ENTHD1: variants seen among roughly 807,000 people sequenced by gnomAD.
The protein encoded by ENTHD1 is ENTH domain-containing protein 1.
In ENTHD1, 23 loss-of-function variants were observed where a neutral mutation model predicts 39.1. The observed-to-expected ratio is 0.59, with a 90% CI of 0.42 to 0.83. The LOEUF (loss-of-function observed/expected upper bound fraction) is 0.83. ENTHD1 is among the 40% of genes least tolerant of loss of function. The pLI is 0.00. For synonymous variants in ENTHD1, 230 were observed against 258.2 expected (o/e 0.89, Z 1.05); for missense variants, 624 against 705.4 (o/e 0.88, Z 1.31).
intron 5 of ENTHD1, among the ~76,000 whole-genome samples, chr22:39,819,031 T>G (rs2065757116): frequency 1.3e-5 from 2 of 152,140 alleles, no homozygotes; most frequent in Admixed American, 1.3e-4. Flanking sequence ...AGTAGGCGAA[T>G]GGATAAATAA....
intron 2 of ENTHD1, among the ~76,000 whole-genome samples, chr22:39,866,026 T>C (rs1013618092): frequency 6.6e-6 from 1 of 152,160 alleles, no homozygotes; most frequent in Non-Finnish European, 1.5e-5. Context: ...CTCTTCAAAT[T>C]TGGAGTATCA....
At chr22:39,775,008 T>C (rs1214562303) in intron 5 of ENTHD1, among the ~76,000 whole-genome samples, 3 of 152,188 alleles carry the variant, frequency 2.0e-5, no homozygotes, top group Admixed American at 6.5e-5. Flanking sequence ...AAGGTCTCAT[T>C]CAAACACAAC....
At chr22:39,781,206 A>G (rs994865040) in intron 5 of ENTHD1, among the ~76,000 whole-genome samples, 1 of 152,188 alleles carries the variant, frequency 6.6e-6, no homozygotes, top group Non-Finnish European at 1.5e-5. Flanking sequence ...CCAGAACATA[A>G]GCTCTTTTCT....
rs115343064 is a variant in ENTHD1, at chr22:39,836,711, G to C, written c.593-753C>G. ...ATTGTAATCACCAATGTTAGAGGAG[G>C]GGCTTGGTGGGAGGTGATTGGTTCA... On this transcript the variant is annotated intron_variant, in intron 3 of 6. Coordinates refer to ENST00000325157, the MANE Select transcript of ENTHD1 (RefSeq NM_152512.4). 5.5e-3 allele frequency among the ~76,000 whole-genome samples: 834 copies of C among 152,250 alleles called. 8 individuals are homozygous for C. Among genetic ancestry groups the C allele is most frequent in the Middle Eastern group, 0.02 (6 of 294 alleles).
intron 5 of ENTHD1, among the ~76,000 whole-genome samples, chr22:39,806,016 C>G (rs771601775): frequency 6.6e-6 from 1 of 152,176 alleles, no homozygotes; most frequent in Non-Finnish European, 1.5e-5. Flanking sequence ...TCTCTGCCCT[C>G]TAGCCTTTCC....
intron 2 of ENTHD1, among the ~76,000 whole-genome samples, chr22:39,864,136 C>T (rs961848266): frequency 1.3e-5 from 2 of 152,176 alleles, no homozygotes; most frequent in Non-Finnish European, 2.9e-5. Flanking sequence ...ATGTCAGACA[C>T]TTATCTTTCC....
At chr22:39,768,916 G>A (rs1394770299) in intron 5 of ENTHD1, among the ~76,000 whole-genome samples, 1 of 151,944 alleles carries the variant, frequency 6.6e-6, no homozygotes, top group Non-Finnish European at 1.5e-5. Context: ...ATGAACTAAT[G>A]CCAATGAACG....
At chr22:39,807,498 A>G (rs1056018314) in intron 5 of ENTHD1, among the ~76,000 whole-genome samples, 1 of 152,034 alleles carries the variant, frequency 6.6e-6, no homozygotes, top group Non-Finnish European at 1.5e-5. Context: ...GACCTTGCTC[A>G]CCTCTTCAAG....
intron 2 of ENTHD1, among the ~76,000 whole-genome samples, chr22:39,870,203 T>C (rs1384327883): frequency 1.3e-5 from 2 of 151,740 alleles, no homozygotes; most frequent in Non-Finnish European, 2.9e-5. Flanking sequence ...GTTTAATATC[T>C]TTGCCATGTC....
rs1489337935 is a variant in ENTHD1 at position 39,867,957 on chromosome 22, G to A, written c.350-5950C>T. Among the ~76,000 whole-genome samples, 3 of 152,140 alleles carry A rather than the reference G, an allele frequency of 2.0e-5. No individual in the cohort carries two copies. The highest frequency in any genetic ancestry group is 1.9e-4 in the East Asian group (1 of 5,204). On this transcript the variant is annotated intron_variant, in intron 2 of 6. Transcript: ENST00000325157. The surrounding 1 kb of genome is among the most constrained non-coding windows in gnomAD (Gnocchi z 4.5). ...TAACAGAAATGAAAAAGCAGTGAGC[G>A]AGGCTGAAGCCAAGGGCTGCTGGGC...
chr22:39,854,082 C>A (rs1450705254), intron 3 of ENTHD1, among the ~76,000 whole-genome samples: 1 of 152,162 alleles, frequency 6.6e-6, no homozygotes, highest in East Asian at 1.9e-4. Context: ...TCCACACTCA[C>A]TTGGATTGGG....
At chr22:39,853,068 G>C (rs1247786526) in intron 3 of ENTHD1, among the ~76,000 whole-genome samples, 1 of 152,080 alleles carries the variant, frequency 6.6e-6, no homozygotes, top group Non-Finnish European at 1.5e-5. Flanking sequence ...CAACATCAAC[G>C]TTGCTGTTTT....
chr22:39,863,144 C>G (rs957482577), intron 2 of ENTHD1, among the ~76,000 whole-genome samples: 1 of 152,146 alleles, frequency 6.6e-6, no homozygotes, highest in African/African-American at 2.4e-5. Context: ...TTCTAAATTA[C>G]CCAGTCTGTG....
chr22:39,887,342 C>T lies in ENTHD1; in HGVS notation c.349+58G>A, dbSNP rs531995767. On this transcript the variant is annotated intron_variant, in intron 2 of 6. Transcript: ENST00000325157. The stretch of plus-strand genomic sequence containing the variant: ...TCCTCCCACCTCAGCCTCCCATGCA[C>T]CAGGATTACCGGTGTACACCACCAC... The T allele has an allele frequency of 3.7e-4, 536 of 1,450,684 alleles. 1 individual carries two copies. Among genetic ancestry groups the T allele is most frequent in the Middle Eastern group, 2.5e-3 (14 of 5,516 alleles). The allele number at this position is 1,450,684 out of a possible 1,614,324, so 89.9% of individuals were successfully genotyped here.
chr22:39,757,612 G>A (rs931717128), intron 6 of ENTHD1, among the ~76,000 whole-genome samples: 1 of 151,862 alleles, frequency 6.6e-6, no homozygotes, highest in African/African-American at 2.4e-5. Context: ...AGGAGGTAGA[G>A]GTTGCAGTGA....
intron 3 of ENTHD1, 123 bp downstream of exon 3, chr22:39,861,642 C>G (rs769812077): frequency 2.5e-6 from 2 of 803,166 alleles, no homozygotes; most frequent in East Asian, 7.4e-5. Flanking sequence ...AGTATGAAGC[C>G]TAATATGGTA....
chr22:39,846,739 G>C, intron 3 of ENTHD1, among the ~76,000 whole-genome samples: 1 of 152,138 alleles, frequency 6.6e-6, no homozygotes, highest in African/African-American at 2.4e-5. Flanking sequence ...CAAAGGATAT[G>C]AACAGACACT....
chr22:39,865,060 C>A (rs1389454481), intron 2 of ENTHD1, among the ~76,000 whole-genome samples: 1 of 152,106 alleles, frequency 6.6e-6, no homozygotes, highest in Non-Finnish European at 1.5e-5. Context: ...GAAATAATTT[C>A]TTGTAACACT....
At chr22:39,794,746 G>A (rs937416841) in intron 5 of ENTHD1, among the ~76,000 whole-genome samples, 24 of 151,402 alleles carry the variant, frequency 1.6e-4, no homozygotes, top group African/African-American at 5.6e-4. Context: ...AGAGCTTGCA[G>A]TGAGCCAAGA....
Sources: gnomAD v4.1 joint callset for allele counts (sites outside exome capture counted in the v4.1 genomes callset) on GRCh38, gnomAD v4.1.1 for gene constraint, Gnocchi (gnomAD v3.1) non-coding constraint, MANE v1.5 for transcripts, NCBI Gene and HGNC (gene_info 2026-07-23, HGNC 2026-07-21) for gene names.